ALG12: variants seen among roughly 807,000 people sequenced by gnomAD.
The protein encoded by ALG12 is dol-P-Man:Man(7)GlcNAc(2)-PP-Dol alpha-1,6-mannosyltransferase.
ALG12 carries 36 observed loss-of-function variants against 46.0 expected under a neutral mutation model. The ratio of observed to expected loss-of-function variants is 0.78; its 90% CI spans 0.60 to 1.03. The LOEUF is 1.03. Among genes scored for constraint, ALG12 ranks in the 50% least tolerant of loss-of-function variants. ALG12 has a pLI of 0.00. For missense variants in ALG12, 599 were observed against 633.5 expected (o/e 0.95, Z 0.58); for synonymous variants, 326 against 291.6 (o/e 1.12, Z -1.20).
the ALG12 span, chr22:49,887,964 C>G: frequency 1.4e-4 from 23 of 167,226 alleles, no homozygotes; most frequent in Admixed American, 1.5e-3. Flanking sequence ...CTGCTGAAAC[C>G]CCCACGCCTC....
At chr22:49,868,377 C>T in the ALG12 span, among the ~76,000 whole-genome samples, 9 of 152,244 alleles carry the variant, frequency 5.9e-5, no homozygotes, top group East Asian at 3.9e-4. Context: ...ATCAGGAGTT[C>T]GACACCAGCC....
rs1295920001 is a variant in ALG12 at position 49,900,820 on chromosome 22, C to CGT, written c.*3017_*3018insAC. 9 of 152,244 alleles carry CGT rather than the reference C, an allele frequency of 5.9e-5. No homozygotes were observed. Among genetic ancestry groups the CGT allele is most frequent in the African/African-American group, 2.2e-4 (9 of 41,452 alleles). 9.4% of individuals were successfully genotyped at this position (152,244 alleles called of 1,614,324 possible). A position where few individuals can be genotyped will look rare whatever the true frequency, so the allele number is the denominator to read the frequency against. On this transcript the variant is annotated 3_prime_UTR_variant, in exon 10 of 10. Transcript: ENST00000330817. ...CACACATATTACATATGTACGTGTG[C>CGT]AACTGCACGCAGCATGCCTGTCCTC...
chr22:49,903,439 T>A lies in ALG12; in HGVS notation c.*399A>T, dbSNP rs1419283420. 2.1e-6 allele frequency: 1 copy of A among 465,742 alleles called. No individual in the cohort carries two copies. Among genetic ancestry groups the A allele is most frequent in the Non-Finnish European group, 4.3e-6 (1 of 233,456 alleles). 28.9% of individuals were successfully genotyped at this position (465,742 alleles called of 1,614,324 possible). Reference sequence around the variant, plus strand: ...CCAAGAGGCCCTCGGGCAGCAAGCGTGGGGTGCTGCCAAAATACAGCTCCC... The same window carrying A: ...CCAAGAGGCCCTCGGGCAGCAAGCGAGGGGTGCTGCCAAAATACAGCTCCC... On this transcript the variant is annotated 3_prime_UTR_variant, in exon 10 of 10. Coordinates refer to ENST00000330817, the MANE Select transcript of ALG12 (RefSeq NM_024105.4).
intron 1 of ALG12, among the ~76,000 whole-genome samples, chr22:49,917,809 C>A (rs2060622391): frequency 2.0e-5 from 3 of 149,928 alleles, no homozygotes; most frequent in African/African-American, 7.5e-5. Context: ...CTAATTTAAA[C>A]CAGGGGTTCC....
the ALG12 span, among the ~76,000 whole-genome samples, chr22:49,881,502 C>T: frequency 6.6e-6 from 1 of 152,190 alleles, no homozygotes; most frequent in African/African-American, 2.4e-5. Flanking sequence ...CATGTCTCCT[C>T]AGCCTTCCAA....
At chr22:49,884,858 C>G in the ALG12 span, 49 of 1,607,768 alleles carry the variant, frequency 3.0e-5, no homozygotes, top group Non-Finnish European at 3.7e-5. Context: ...GACTTGCAGT[C>G]TCACTTGAAC....
chr22:49,885,257 A>G, the ALG12 span: 306 of 1,601,058 alleles, frequency 1.9e-4, no homozygotes, highest in Non-Finnish European at 2.5e-4. Flanking sequence ...GCCTCTGCAG[A>G]AAGTTCCTCT....
the ALG12 span, among the ~76,000 whole-genome samples, chr22:49,874,234 C>G: frequency 6.6e-6 from 1 of 152,314 alleles, no homozygotes; most frequent in Non-Finnish European, 1.5e-5. Flanking sequence ...GCACTGTTTC[C>G]CGGATGCGTC....
chr22:49,883,193 G>A, the ALG12 span: 1 of 152,590 alleles, frequency 6.6e-6, no homozygotes, highest in Admixed American at 6.5e-5. Context: ...CGGATTGCAG[G>A]AAGTCAGAGA....
the ALG12 span, among the ~76,000 whole-genome samples, chr22:49,882,802 C>T: frequency 6.6e-6 from 1 of 152,182 alleles, no homozygotes; most frequent in African/African-American, 2.4e-5. Flanking sequence ...GGGCTGGAAG[C>T]GGTTTTCACC....
chr22:49,872,831 G>T, the ALG12 span, among the ~76,000 whole-genome samples: 2 of 151,646 alleles, frequency 1.3e-5, no homozygotes, highest in African/African-American at 4.9e-5. Flanking sequence ...TCAGCCTCCC[G>T]AGTAGCTGGG....
chr22:49,872,178 T>C, the ALG12 span, among the ~76,000 whole-genome samples: 3 of 152,242 alleles, frequency 2.0e-5, no homozygotes, highest in Non-Finnish European at 4.4e-5. Flanking sequence ...AACCCTGCTG[T>C]TGTTTTATCA....
chr22:49,909,422 T>A (rs1455259984), intron 5 of ALG12, 75 bp from the exon 6 acceptor site: 1 of 1,420,218 alleles, frequency 7.0e-7, no homozygotes, highest in African/African-American at 1.4e-5. Flanking sequence ...GCAGCCCCCA[T>A]CACTACAGAA....
chr22:49,886,794 T>C, the ALG12 span: 6 of 1,613,020 alleles, frequency 3.7e-6, no homozygotes, highest in Non-Finnish European at 5.1e-6. This position sits in a 1 kb window ranked among gnomAD's most constrained non-coding sequence, Gnocchi z 7.7. Flanking sequence ...AGGACGTGGC[T>C]GCCTCCCACA....
At chr22:49,860,944 A>G in the ALG12 span, among the ~76,000 whole-genome samples, 1 of 151,302 alleles carries the variant, frequency 6.6e-6, no homozygotes, top group Non-Finnish European at 1.5e-5. Flanking sequence ...ACGCCCAGCT[A>G]ATTTTTTGTA....
At chr22:49,913,015 T>C (rs1366749013) in intron 3 of ALG12, among the ~76,000 whole-genome samples, 1 of 152,210 alleles carries the variant, frequency 6.6e-6, no homozygotes, top group African/African-American at 2.4e-5. Context: ...AGGTTTCTGT[T>C]TGTAACATTC....
At chr22:49,874,698 T>TTTTTTTTTTTA in the ALG12 span, among the ~76,000 whole-genome samples, 2 of 142,398 alleles carry the variant, frequency 1.4e-5, no homozygotes, top group Non-Finnish European at 1.5e-5. Flanking sequence ...TTTTTTTTTT[T>TTTTTTTTTTTA]GAGACGGAGT....
the ALG12 span, chr22:49,887,374 T>C: frequency 4.0e-6 from 2 of 498,394 alleles, no homozygotes; most frequent in Non-Finnish European, 7.2e-6. Context: ...GGGTGTTTTA[T>C]TAAGACGTCC....
chr22:49,912,222 G>C (rs973606984), intron 3 of ALG12, among the ~76,000 whole-genome samples: 1 of 152,158 alleles, frequency 6.6e-6, no homozygotes, highest in East Asian at 1.9e-4. Flanking sequence ...AGGGGCTGGG[G>C]GGGGCACTAG....
Sources: allele counts gnomAD v4.1 joint callset (sites outside exome capture counted in the v4.1 genomes callset), GRCh38; gene constraint gnomAD v4.1.1; non-coding constraint Gnocchi (gnomAD v3.1); transcripts MANE v1.5; gene names NCBI Gene and HGNC (gene_info 2026-07-23, HGNC 2026-07-21).